The following STON2 variants were observed in gnomAD, a reference collection of about 807,000 sequenced individuals.
The protein encoded by STON2 is stonin-2.
Under a neutral mutation model 65.7 loss-of-function variants are expected in STON2, and 29 were observed. That is an observed-to-expected ratio of 0.44 (90% CI 0.33 to 0.60). STON2 has a LOEUF of 0.60. STON2 is among the 20% of genes least tolerant of loss of function. The probability of loss-of-function intolerance (pLI) is 0.03; values close to 1 mark genes in which losing one functional copy is unlikely to be tolerated. For synonymous variants in STON2, 404 were observed against 414.2 expected (o/e 0.98, Z 0.30); for missense variants, 1,054 against 1,118.1 (o/e 0.94, Z 0.82).
At chr14:81,287,954 C>T (rs1469370865) in intron 5 of STON2, among the ~76,000 whole-genome samples, 2 of 152,182 alleles carry the variant, frequency 1.3e-5, no homozygotes, top group Admixed American at 6.5e-5. Context: ...ATTACGACAC[C>T]TTGCTGTGGT....
At chr14:81,363,431 T>C (rs796762191) in intron 4 of STON2, among the ~76,000 whole-genome samples, 126 of 152,262 alleles carry the variant, frequency 8.3e-4, no homozygotes, top group African/African-American at 3.0e-3. Context: ...TGCCAAATGG[T>C]AGGAACTCAA....
chr14:81,333,250 G>A, intron 4 of STON2: 1 of 770,250 alleles, frequency 1.3e-6, no homozygotes, highest in South Asian at 1.3e-5. Context: ...TTCTGTCTTA[G>A]GTACGGTACT....
chr14:81,365,502 T>C (rs1021987928), intron 4 of STON2, among the ~76,000 whole-genome samples: 1 of 152,218 alleles, frequency 6.6e-6, no homozygotes, highest in Non-Finnish European at 1.5e-5. Flanking sequence ...ATGCCTTTAA[T>C]CTCAGCACTT....
intron 2 of STON2, among the ~76,000 whole-genome samples, chr14:81,416,670 G>A (rs1901452006): frequency 1.3e-5 from 2 of 152,210 alleles, no homozygotes; most frequent in South Asian, 2.1e-4. Context: ...CGTCAGCCAA[G>A]GTGTCCTACT....
chr14:81,295,168 C>T (rs756787279), intron 5 of STON2, among the ~76,000 whole-genome samples: 5 of 151,934 alleles, frequency 3.3e-5, no homozygotes, highest in African/African-American at 1.2e-4. Context: ...ACTAAAAATA[C>T]GAAAAAATTA....
At chr14:81,270,358 T>C in intron 7 of STON2, 1 of 1,320,168 alleles carries the variant, frequency 7.6e-7, no homozygotes, top group Non-Finnish European at 9.7e-7. Context: ...GTGCTGGGAT[T>C]ACAGGTGTGA....
chr14:81,350,378 T>C (rs1429008827), intron 4 of STON2, among the ~76,000 whole-genome samples: 1 of 152,148 alleles, frequency 6.6e-6, no homozygotes, highest in Non-Finnish European at 1.5e-5. Flanking sequence ...AAATGTTTTC[T>C]AGGCTCTGAG....
chr14:81,341,469 T>TTC (rs149759275), intron 4 of STON2, among the ~76,000 whole-genome samples: 2,888 of 147,830 alleles, frequency 0.02, 116 homozygotes, highest in African/African-American at 0.072. Context: ...TTTTTTTTTT[T>TTC]CCCAAAAGTC....
At chr14:81,412,687 AT>A (rs1057382659) in intron 2 of STON2, among the ~76,000 whole-genome samples, 10 of 139,794 alleles carry the variant, frequency 7.2e-5, no homozygotes, top group Admixed American at 5.0e-4. Context: ...AAAGGACATA[AT>A]GCTGCTGAAC....
intron 2 of STON2, among the ~76,000 whole-genome samples, chr14:81,420,451 G>A (rs1901650600): frequency 1.3e-5 from 2 of 152,146 alleles, no homozygotes; most frequent in Non-Finnish European, 2.9e-5. Flanking sequence ...TAAGCATTCA[G>A]CATCTCCTAT....
chr14:81,344,728 A>T (rs1471699174), intron 4 of STON2, among the ~76,000 whole-genome samples: 1 of 152,164 alleles, frequency 6.6e-6, no homozygotes, highest in Non-Finnish European at 1.5e-5. Context: ...TCGCATGCAA[A>T]TTCCCAATTC....
chr14:81,304,565 A>T (rs1224394320), intron 5 of STON2, among the ~76,000 whole-genome samples: 1 of 152,140 alleles, frequency 6.6e-6, no homozygotes, highest in African/African-American at 2.4e-5. Context: ...TCCACAAAAA[A>T]TATCAAAAAT....
intron 5 of STON2, among the ~76,000 whole-genome samples, chr14:81,295,966 T>C (rs1036433565): frequency 2.0e-5 from 3 of 152,246 alleles, no homozygotes; most frequent in Non-Finnish European, 4.4e-5. Flanking sequence ...TTACTCTATG[T>C]ACACATTCAT....
chr14:81,311,210 T>C (rs1390860810), intron 5 of STON2, among the ~76,000 whole-genome samples: 3 of 152,152 alleles, frequency 2.0e-5, no homozygotes, highest in Non-Finnish European at 1.5e-5. Flanking sequence ...CAGTATAATA[T>C]ACCAGAAAGA....
chr14:81,405,466 T>TG (rs994442872), intron 2 of STON2, among the ~76,000 whole-genome samples: 1 of 151,194 alleles, frequency 6.6e-6, no homozygotes, highest in African/African-American at 2.4e-5. Context: ...TATTGTTTTT[T>TG]TTTTTTTTTT....
chr14:81,291,830 T>C lies in STON2; in HGVS notation c.743-13091A>G, dbSNP rs189420057. On this transcript the variant is annotated intron_variant, in intron 5 of 7. Coordinates refer to ENST00000614646, the MANE Select transcript of STON2 (RefSeq NM_001394390.1). ...CATGTGGAGAAAATGCTTAGTATAC[T>C]AGGCATGTTTCAAATACTTAGCATG... is the stretch of plus-strand genomic sequence containing the variant. Among the ~76,000 whole-genome samples the C allele has an allele frequency of 2.3e-4, 35 of 149,938 alleles. No homozygotes were observed. In the East Asian group the frequency reaches 6.1e-3, roughly 26 times the overall value.
chr14:81,405,890 A>G (rs1057262447), intron 2 of STON2, among the ~76,000 whole-genome samples: 3 of 152,232 alleles, frequency 2.0e-5, no homozygotes, highest in Non-Finnish European at 2.9e-5. Flanking sequence ...GGAGAGGCAG[A>G]CTCACTCTCA....
At chr14:81,300,032 C>T (rs1895911210) in intron 5 of STON2, among the ~76,000 whole-genome samples, 1 of 151,608 alleles carries the variant, frequency 6.6e-6, no homozygotes, top group South Asian at 2.1e-4. Flanking sequence ...TGTTGTAGGA[C>T]TCAAAACTAC....
chr14:81,422,300 C>T (rs1901744112), intron 2 of STON2, among the ~76,000 whole-genome samples: 1 of 152,136 alleles, frequency 6.6e-6, no homozygotes, highest in African/African-American at 2.4e-5. Context: ...TCCTTTTTCT[C>T]TTGTTTCTGC....
Sources: gnomAD v4.1 joint callset for allele counts (sites outside exome capture counted in the v4.1 genomes callset) on GRCh38, gnomAD v4.1.1 for gene constraint, MANE v1.5 for transcripts, NCBI Gene and HGNC (gene_info 2026-07-23, HGNC 2026-07-21) for gene names.